The following HNRNPK variants were observed in gnomAD, a reference collection of about 807,000 sequenced individuals.
The protein encoded by HNRNPK is heterogeneous nuclear ribonucleoprotein K.
In HNRNPK, 7 loss-of-function variants were observed where a neutral mutation model predicts 67.0. The observed-to-expected ratio is 0.10, with a 90% CI of 0.06 to 0.20. The LOEUF is 0.20. HNRNPK is among the 10% of genes least tolerant of loss of function. HNRNPK has a pLI of 1.00. For missense variants in HNRNPK, 264 were observed against 606.5 expected, an observed-to-expected ratio of 0.44 and a Z score of 5.93; for synonymous variants, 213 against 193.7, an observed-to-expected ratio of 1.10 and a Z score of -0.83.
Position 83,976,987 on chromosome 9 carries a change from A to G in HNRNPK, c.213+8T>C, listed in dbSNP as rs777827158. On this transcript the variant is annotated splice_region_variant and intron_variant, in intron 5 of 16. Coordinates refer to ENST00000376263, the MANE Select transcript of HNRNPK (RefSeq NM_031263.4). ...GCTCGTGTAGTAGTTTAAACTCTTA[A>G]TACTTACGTCTGTACGGAGAGCCTT... The G allele has an allele frequency of 6.3e-7, 1 of 1,580,716 alleles. No homozygotes were observed. Among genetic ancestry groups the G allele is most frequent in the Admixed American group, 1.7e-5 (1 of 59,748 alleles).
intron 10 of HNRNPK, 179 bp from the exon 11 acceptor site, chr9:83,972,368 C>T (rs1218729042): frequency 1.7e-6 from 1 of 576,680 alleles, no homozygotes; most frequent in African/African-American, 1.9e-5. Flanking sequence ...CAAAGAAATC[C>T]AATACTTTTG....
rs1241667179 is a variant in HNRNPK at position 83,973,269 on chromosome 9, A to C, written c.516+17T>G. The C allele has an allele frequency of 1.5e-6, 2 of 1,356,250 alleles. No homozygotes were observed. The highest frequency in any genetic ancestry group is 1.7e-5 in the Admixed American group (1 of 58,296). 84.0% of individuals were successfully genotyped at this position (1,356,250 alleles called of 1,614,324 possible). ...TACTTTCCAGCAAAGAATACGGCAG[A>C]ATTTTTTTTTTTTTACCTCTCGAAG... is the stretch of plus-strand genomic sequence containing the variant. On this transcript the variant is annotated intron_variant, in intron 9 of 16. Transcript: ENST00000376263.
chr9:83,974,008 G>A (rs771864135), intron 7 of HNRNPK, 35 bp from the exon 8 acceptor site: 3 of 1,424,404 alleles, frequency 2.1e-6, no homozygotes, highest in Non-Finnish European at 3.0e-6. Context: ...TAGGTTAAGT[G>A]TCTAGCGTGA....
Position 83,973,361 on chromosome 9 carries a change from C to T in HNRNPK, c.441G>A (p.Leu147=). 1 of 1,610,938 alleles carries T rather than the reference C, an allele frequency of 6.2e-7. No homozygotes were observed. The highest frequency in any genetic ancestry group is 8.5e-7 in the Non-Finnish European group (1 of 1,177,384). ...CTAGACTCTGATGAATCAACAGCCTCAACTCGCAGTCAAAGTCACTTCCTT... is the reference window on the plus strand; with the variant it reads ...CTAGACTCTGATGAATCAACAGCCTTAACTCGCAGTCAAAGTCACTTCCTT... ...HYKGSDFDCE[L]RLLIHQSLAG... is the part of the protein sequence containing the mutation. The change falls in exon 9 of 17, where the codon TTG becomes TTA. Residue 147 remains leucine (L), a synonymous_variant. Transcript: ENST00000376263.
Position 83,973,279 on chromosome 9 carries a change from T to C in HNRNPK, c.516+7A>G, listed in dbSNP as rs1450629258. ...CAAAGAATACGGCAGAATTTTTTTT[T>C]TTTTACCTCTCGAAGTTCTTTGATT... On this transcript the variant is annotated splice_region_variant and intron_variant, in intron 9 of 16. Transcript: ENST00000376263. The C allele has an allele frequency of 1.3e-6, 2 of 1,513,582 alleles. No individual in the cohort carries two copies. Among genetic ancestry groups the C allele is most frequent in the African/African-American group, 1.4e-5 (1 of 72,322 alleles). The allele number at this position is 1,513,582 out of a possible 1,614,324, so 93.8% of individuals were successfully genotyped here.
chr9:83,970,967 G>T, intron 13 of HNRNPK, 55 bp from the exon 14 acceptor site: 1 of 1,537,686 alleles, frequency 6.5e-7, no homozygotes, highest in Non-Finnish European at 9.0e-7. Context: ...ATTACTACCG[G>T]TACTTTAAAA....
rs755404355 is a variant in HNRNPK, at chr9:83,970,926, GA to G, written c.1093-15del. On this transcript the variant is annotated splice_polypyrimidine_tract_variant and intron_variant, in intron 13 of 16. Transcript: ENST00000376263. ...TCCGGAGCCACCCTAAAAACAGAAA[GA>G]AAAAAATAGAAAATTACTTTGCCGT... 13 of 1,609,962 alleles carry G rather than the reference GA, an allele frequency of 8.1e-6. No homozygotes were observed. The Admixed American group carries it at 1.7e-4, about 21-fold the overall frequency.
intron 1 of HNRNPK, among the ~76,000 whole-genome samples, chr9:83,979,873 GCCT>G (rs1393071727): frequency 2.6e-5 from 4 of 152,306 alleles, no homozygotes; most frequent in East Asian, 1.9e-4. Flanking sequence ...CCCCGCACCG[GCCT>G]CCTTTCCTCC....
At position 83,971,224 on chromosome 9, in the gene HNRNPK, G is replaced by A. The variant is rs769344824; in HGVS notation, c.1092+49C>T. ...AAAAAACTTACTGGAGAGCAGGTAA[G>A]CATCTTAAATTATCACTGATATACA... On this transcript the variant is annotated intron_variant, in intron 13 of 16. Transcript: ENST00000376263. 5.0e-6 allele frequency: 6 copies of A among 1,194,434 alleles called. No individual in the cohort carries two copies. In the East Asian group the frequency reaches 9.3e-5, roughly 19 times the overall value. 74.0% of individuals were successfully genotyped at this position (1,194,434 alleles called of 1,614,324 possible).
At chr9:83,977,115 T>C in intron 4 of HNRNPK, 64 bp from the exon 5 acceptor site, 1 of 1,143,752 alleles carries the variant, frequency 8.7e-7, no homozygotes, top group Non-Finnish European at 1.3e-6. Context: ...CTACCTACGC[T>C]CTTAGATTTT....
chr9:83,977,068 G>C lies in HNRNPK; in HGVS notation c.157-17C>G. On this transcript the variant is annotated splice_polypyrimidine_tract_variant and intron_variant, in intron 4 of 16. Transcript: ENST00000376263. ...CCCAGCATTCTGGAGAAGATACAAA[G>C]ACAAAAAATTATTTTGCCTTTCCCT... is the stretch of plus-strand genomic sequence containing the variant. 1 of 1,599,630 alleles carries C rather than the reference G, an allele frequency of 6.3e-7. No homozygotes were observed. The highest frequency in any genetic ancestry group is 8.6e-7 in the Non-Finnish European group (1 of 1,167,668).
At chr9:83,973,478 A>C in intron 8 of HNRNPK, 79 bp from the exon 9 acceptor site, 1 of 829,042 alleles carries the variant, frequency 1.2e-6, no homozygotes, top group Non-Finnish European at 2.1e-6. Flanking sequence ...AAGCATAACA[A>C]TAATATACTG....
chr9:83,977,739 A>G lies in HNRNPK; in HGVS notation c.106T>C (p.Ser36Pro), dbSNP rs1263073019. The G allele has an allele frequency of 6.2e-7, 1 of 1,609,980 alleles. No homozygotes were observed. Among genetic ancestry groups the G allele is most frequent in the Admixed American group, 1.7e-5 (1 of 59,884 alleles). The change falls in exon 4 of 17, where the codon TCT (serine) becomes CCT (proline). Residue 36 changes from serine to proline, a missense_variant. This residue lies in a region of HNRNPK where 32 missense variants were observed against 45.6 expected (regional missense o/e 0.70). Transcript: ENST00000376263. Reference sequence around the variant, plus strand: ...TCAACCATCTCATCAGTGTTTCTAGATCTTTTAAATGCTTGTTCCTCTTCC... The same window carrying G: ...TCAACCATCTCATCAGTGTTTCTAGGTCTTTTAAATGCTTGTTCCTCTTCC... ...DMEEEQAFKR[S>P]RNTDEMVELR...
chr9:83,972,723 G>C (rs1956908035), intron 10 of HNRNPK, 121 bp downstream of exon 10: 1 of 672,922 alleles, frequency 1.5e-6, no homozygotes, highest in Non-Finnish European at 2.4e-6. Context: ...CCAGGTGATA[G>C]AAAATTGCTA....
At chr9:83,973,253 G>T in intron 9 of HNRNPK, 33 bp downstream of exon 9, 1 of 1,238,674 alleles carries the variant, frequency 8.1e-7, no homozygotes, top group Non-Finnish European at 1.2e-6. Context: ...TTACTTTCCA[G>T]CAAAGAATAC....
intron 7 of HNRNPK, 84 bp from the exon 8 acceptor site, chr9:83,974,057 CAT>C (rs1491521791): frequency 1.3e-6 from 1 of 785,422 alleles, no homozygotes; most frequent in Non-Finnish European, 2.1e-6. Context: ...GCTACTACAA[CAT>C]ATTTTAAATC....
rs187467342 is a variant in HNRNPK at position 83,975,363 on chromosome 9, C to G, written c.257+99G>C. ...GACAGAAACTTGAAAAACAATACAC[C>G]GTCTAAAGGGGATACTATTTAATTA... On this transcript the variant is annotated intron_variant, in intron 6 of 16. Coordinates refer to ENST00000376263, the MANE Select transcript of HNRNPK (RefSeq NM_031263.4). 8.5e-6 allele frequency: 9 copies of G among 1,056,262 alleles called. No homozygotes were observed. In the African/African-American group the frequency reaches 9.5e-5, roughly 11 times the overall value. 65.4% of individuals were successfully genotyped at this position (1,056,262 alleles called of 1,614,324 possible). A position where few individuals can be genotyped will look rare whatever the true frequency, so the allele number is the denominator to read the frequency against.
At chr9:83,975,069 C>T (rs1007963099) in intron 6 of HNRNPK, among the ~76,000 whole-genome samples, 3 of 151,990 alleles carry the variant, frequency 2.0e-5, no homozygotes, top group African/African-American at 7.3e-5. Context: ...AAATGCAAGA[C>T]AAAACAAAGA....
chr9:83,970,999 G>A lies in HNRNPK; in HGVS notation c.1093-87C>T, dbSNP rs148820425. 984 of 1,312,552 alleles carry A rather than the reference G, an allele frequency of 7.5e-4. 9 individuals are homozygous for A. The East Asian group carries it at 0.019, about 26-fold the overall frequency. The allele number at this position is 1,312,552 out of a possible 1,614,324, so 81.3% of individuals were successfully genotyped here. On this transcript the variant is annotated intron_variant, in intron 13 of 16. Coordinates refer to ENST00000376263, the MANE Select transcript of HNRNPK (RefSeq NM_031263.4). ...AAAAAAATTCATTTAATAAAATGGA[G>A]TCTTGCTATGTTGCCCAGGCTGGTC...
Sources: gnomAD v4.1 joint callset for allele counts (sites outside exome capture counted in the v4.1 genomes callset) on GRCh38, gnomAD v4.1.1 for gene constraint, gnomAD v4.1.1 regional missense constraint, MANE v1.5 for transcripts, NCBI Gene and HGNC (gene_info 2026-07-23, HGNC 2026-07-21) for gene names.